Variants in SKAP2 observed in about 807,000 individuals in gnomAD.
The protein encoded by SKAP2 is src kinase associated phosphoprotein 2, also known as src kinase-associated phosphoprotein 2.
In SKAP2, 28 loss-of-function variants were observed where a neutral mutation model predicts 54.9. The observed-to-expected ratio is 0.51, with a 90% CI of 0.38 to 0.70. The LOEUF is 0.70. Among genes scored for constraint, SKAP2 ranks in the 30% least tolerant of loss-of-function variants. SKAP2 has a pLI of 0.00. For missense variants in SKAP2, 356 were observed against 424.1 expected (o/e 0.84, Z 1.41); for synonymous variants, 137 against 134.3 (o/e 1.02, Z -0.14).
At chr7:26,777,342 C>A (rs755020364) in intron 4 of SKAP2, among the ~76,000 whole-genome samples, 17 of 151,914 alleles carry the variant, frequency 1.1e-4, no homozygotes, top group Non-Finnish European at 2.1e-4. Flanking sequence ...GACATAAGAT[C>A]TTTTTCTCCC....
At chr7:26,827,864 T>G (rs1169707969) in intron 4 of SKAP2, among the ~76,000 whole-genome samples, 2 of 152,200 alleles carry the variant, frequency 1.3e-5, no homozygotes, top group Non-Finnish European at 2.9e-5. Context: ...AGGACCAGTC[T>G]TTAGGCCACA....
chr7:26,863,904 A>C (rs1304515914), intron 1 of SKAP2, among the ~76,000 whole-genome samples: 1 of 152,052 alleles, frequency 6.6e-6, no homozygotes, highest in African/African-American at 2.4e-5. Context: ...TGGCTCTGAC[A>C]GCTCTTTGCA....
At chr7:26,832,995 C>A (rs886220823) in intron 4 of SKAP2, among the ~76,000 whole-genome samples, 7 of 152,176 alleles carry the variant, frequency 4.6e-5, no homozygotes, top group Non-Finnish European at 8.8e-5. Flanking sequence ...CTCTCATTCT[C>A]TAAGCAAGCG....
At position 26,668,374 on chromosome 7, in the gene SKAP2, A is replaced by C. The variant is rs1484264584; in HGVS notation, c.*1292T>G. On this transcript the variant is annotated 3_prime_UTR_variant, in exon 13 of 13. Transcript: ENST00000345317. ...ATTTTAAACACCTCTGATTTCAAAT[A>C]TACATGAAAAGGTAATTATATGATT... The C allele has an allele frequency of 6.6e-6, 1 of 152,312 alleles. No homozygotes were observed. Among genetic ancestry groups the C allele is most frequent in the East Asian group, 1.9e-4 (1 of 5,182 alleles). 9.4% of individuals were successfully genotyped at this position (152,312 alleles called of 1,614,324 possible).
chr7:26,662,614 A>T (rs151266135), downstream of SKAP2, among the ~76,000 whole-genome samples: 235 of 152,228 alleles, frequency 1.5e-3, 1 homozygote, highest in African/African-American at 5.4e-3. Context: ...TTTATTCAAA[A>T]TGGAATCATT....
chr7:26,744,564 GGAGAATGGGA>G (rs1782522975), intron 4 of SKAP2, among the ~76,000 whole-genome samples: 1 of 152,078 alleles, frequency 6.6e-6, no homozygotes, highest in Admixed American at 6.6e-5. Flanking sequence ...CTAGAGTTGA[GGAGAATGGGA>G]GATCTAATGG....
intron 4 of SKAP2, among the ~76,000 whole-genome samples, chr7:26,796,185 A>G (rs1783774366): frequency 2.0e-5 from 3 of 152,228 alleles, no homozygotes; most frequent in African/African-American, 7.2e-5. Context: ...AGTCAACACA[A>G]ATGTAAACAA....
intron 9 of SKAP2, among the ~76,000 whole-genome samples, chr7:26,720,051 A>AACACACAC (rs57945020): frequency 6.3e-4 from 90 of 141,816 alleles, no homozygotes; most frequent in Middle Eastern, 7.3e-3. Context: ...ACATATCTGT[A>AACACACAC]ACACACACAC....
In SKAP2 at chr7:26,820,871, G is replaced by C. The variant is rs531646497; in HGVS notation, c.307+23159C>G. Among the ~76,000 whole-genome samples the C allele has an allele frequency of 1.8e-4, 28 of 152,256 alleles. No individual in the cohort carries two copies. The South Asian group carries it at 5.2e-3, about 28-fold the overall frequency. On this transcript the variant is annotated intron_variant, in intron 4 of 12. Coordinates refer to ENST00000345317, the MANE Select transcript of SKAP2 (RefSeq NM_003930.5). The stretch of plus-strand genomic sequence containing the variant: ...AATTATTCCATCCCTTGGTCATCTT[G>C]TGACATTACAGTAACCAAGAGCTAA...
At chr7:26,723,075 C>T (rs993172737) in intron 9 of SKAP2, among the ~76,000 whole-genome samples, 5 of 152,202 alleles carry the variant, frequency 3.3e-5, no homozygotes, top group African/African-American at 1.2e-4. Flanking sequence ...TTCCATTGTT[C>T]TAACTCCTCT....
chr7:26,722,688 C>T (rs1043221629), intron 9 of SKAP2, among the ~76,000 whole-genome samples: 1 of 152,086 alleles, frequency 6.6e-6, no homozygotes, highest in African/African-American at 2.4e-5. Flanking sequence ...GGATTACAGG[C>T]GTGAGCCACT....
At chr7:26,790,445 A>G (rs1199977290) in intron 4 of SKAP2, among the ~76,000 whole-genome samples, 2 of 152,234 alleles carry the variant, frequency 1.3e-5, no homozygotes, top group African/African-American at 4.8e-5. Context: ...TATGAGTCAT[A>G]AAACATTGGT....
chr7:26,800,221 T>A (rs1261778935), intron 4 of SKAP2, among the ~76,000 whole-genome samples: 2 of 152,164 alleles, frequency 1.3e-5, no homozygotes, highest in Non-Finnish European at 2.9e-5. Flanking sequence ...AGAGGAATTT[T>A]GGAAACTACA....
chr7:26,720,076 AC>A (rs1787546409), intron 9 of SKAP2, among the ~76,000 whole-genome samples: 2 of 151,828 alleles, frequency 1.3e-5, no homozygotes, highest in Admixed American at 6.6e-5. Flanking sequence ...ACACACACAC[AC>A]ACACACACAC....
intron 6 of SKAP2, among the ~76,000 whole-genome samples, chr7:26,728,137 ATC>A (rs1787747367): frequency 1.3e-5 from 2 of 152,296 alleles, no homozygotes; most frequent in African/African-American, 4.8e-5. Flanking sequence ...CATAATTTAC[ATC>A]TCTCTGAATG....
At chr7:26,828,994 A>G (rs1200746055) in intron 4 of SKAP2, among the ~76,000 whole-genome samples, 1 of 152,056 alleles carries the variant, frequency 6.6e-6, no homozygotes, top group Non-Finnish European at 1.5e-5. Flanking sequence ...GCGCCATTGC[A>G]CTCCAGCCTG....
intron 4 of SKAP2, among the ~76,000 whole-genome samples, chr7:26,770,280 T>G (rs923361943): frequency 6.6e-6 from 1 of 152,036 alleles, no homozygotes; most frequent in Non-Finnish European, 1.5e-5. Context: ...TATTCAAGCC[T>G]CAGTAATGGT....
At chr7:26,675,299 T>C (rs1786327340) in intron 11 of SKAP2, among the ~76,000 whole-genome samples, 1 of 152,138 alleles carries the variant, frequency 6.6e-6, no homozygotes, top group Non-Finnish European at 1.5e-5. Flanking sequence ...TCATTCTACC[T>C]CTGTATGTAG....
chr7:26,791,375 T>A lies in SKAP2; in HGVS notation c.308-51411A>T, dbSNP rs1228593334. 2.0e-5 allele frequency among the ~76,000 whole-genome samples: 3 copies of A among 152,102 alleles called. No individual in the cohort carries two copies. The East Asian group carries it at 5.8e-4, about 29-fold the overall frequency. On this transcript the variant is annotated intron_variant, in intron 4 of 12. Coordinates refer to ENST00000345317, the MANE Select transcript of SKAP2 (RefSeq NM_003930.5). ...TTTTTTTTTAAGACAGGGTTCTCAC[T>A]TTTTTGCCCAGGCTGGTCTTGTACT...
Sources: gnomAD v4.1 joint callset for allele counts (sites outside exome capture counted in the v4.1 genomes callset) on GRCh38, gnomAD v4.1.1 for gene constraint, MANE v1.5 for transcripts, NCBI Gene and HGNC (gene_info 2026-07-23, HGNC 2026-07-21) for gene names.